The following GALNTL6 variants were observed in gnomAD, a reference collection of about 807,000 sequenced individuals.
The protein encoded by GALNTL6 is polypeptide N-acetylgalactosaminyltransferase-like 6.
Under a neutral mutation model 73.7 loss-of-function variants are expected in GALNTL6, and 46 were observed. The ratio of observed to expected loss-of-function variants is 0.62; its 90% CI spans 0.49 to 0.80. The LOEUF is 0.80. Ranked by LOEUF, GALNTL6 falls within the 30% of genes least tolerant of loss-of-function variation. The pLI, the probability that GALNTL6 is intolerant of heterozygous loss-of-function variation, is 0.00. For missense variants in GALNTL6, 604 were observed against 755.0 expected (o/e 0.80, Z 2.34); for synonymous variants, 259 against 263.7 (o/e 0.98, Z 0.17).
chr4:172,929,887 A>G (rs2049260185), intron 8 of GALNTL6, among the ~76,000 whole-genome samples: 1 of 152,202 alleles, frequency 6.6e-6, no homozygotes, highest in African/African-American at 2.4e-5. Context: ...TTTATAATAG[A>G]AGATCTGTTA....
chr4:172,419,004 A>G (rs1280856717), intron 5 of GALNTL6, among the ~76,000 whole-genome samples: 5 of 152,142 alleles, frequency 3.3e-5, no homozygotes, highest in Non-Finnish European at 7.3e-5. Context: ...AAGTTTTACT[A>G]TGAAATCAAT....
intron 5 of GALNTL6, among the ~76,000 whole-genome samples, chr4:172,653,920 T>C (rs1213519761): frequency 1.3e-5 from 2 of 152,216 alleles, no homozygotes; most frequent in African/African-American, 2.4e-5. Context: ...CAGCATATAT[T>C]TTAATGTGCA....
At chr4:172,522,828 A>G (rs1441987977) in intron 5 of GALNTL6, among the ~76,000 whole-genome samples, 1 of 152,228 alleles carries the variant, frequency 6.6e-6, no homozygotes. Context: ...TCTAATACAT[A>G]CATAGAAAAG....
intron 11 of GALNTL6, among the ~76,000 whole-genome samples, chr4:173,019,189 G>A (rs17059089): frequency 0.18 from 26,652 of 152,198 alleles, 2,870 homozygotes; most frequent in African/African-American, 0.28. Context: ...AACCAAAATA[G>A]AGGGGCAGGA....
chr4:172,586,600 C>A (rs577087978), intron 5 of GALNTL6, among the ~76,000 whole-genome samples: 246 of 152,162 alleles, frequency 1.6e-3, no homozygotes, highest in Non-Finnish European at 2.7e-3. Flanking sequence ...AGGACTATAT[C>A]TGGATGCAGG....
intron 2 of GALNTL6, among the ~76,000 whole-genome samples, chr4:171,948,056 G>T (rs1738754600): frequency 6.6e-6 from 1 of 152,008 alleles, no homozygotes; most frequent in African/African-American, 2.4e-5. Context: ...ATAGTGAGAT[G>T]GGGGGAATAC....
At position 172,143,489 on chromosome 4, in the gene GALNTL6, T is replaced by TTTTG. The variant is rs1733852545; in HGVS notation, c.139-86164_139-86163insGTTT. Among the ~76,000 whole-genome samples, 3 of 152,040 alleles carry TTTTG rather than the reference T, an allele frequency of 2.0e-5. No homozygotes were observed. The South Asian group carries it at 6.2e-4, about 31-fold the overall frequency. ...TCTGTGTGTTTGGTAGGTTTGAGGA[T>TTTTG]TTTTGTTTTGTTTTGTTTTTTGTTT... On this transcript the variant is annotated intron_variant, in intron 2 of 12. Transcript: ENST00000506823.
chr4:171,972,824 G>T (rs1197825234), intron 2 of GALNTL6, among the ~76,000 whole-genome samples: 1 of 152,044 alleles, frequency 6.6e-6, no homozygotes, highest in Non-Finnish European at 1.5e-5. Context: ...TTTTTTCATA[G>T]AGAGATAATC....
chr4:173,025,174 T>C (rs1753181733), intron 12 of GALNTL6, among the ~76,000 whole-genome samples: 1 of 152,224 alleles, frequency 6.6e-6, no homozygotes, highest in Admixed American at 6.5e-5. Flanking sequence ...TCTATGATGC[T>C]GGGGCTATGT....
intron 7 of GALNTL6, among the ~76,000 whole-genome samples, chr4:172,817,666 G>T (rs1271201524): frequency 6.6e-6 from 1 of 152,182 alleles, no homozygotes; most frequent in Non-Finnish European, 1.5e-5. Flanking sequence ...ATGACAAAGA[G>T]AAAGATGTTC....
intron 5 of GALNTL6, among the ~76,000 whole-genome samples, chr4:172,571,604 C>G (rs1560814311): frequency 6.6e-6 from 1 of 152,088 alleles, no homozygotes; most frequent in African/African-American, 2.4e-5. Flanking sequence ...TATTTAAATC[C>G]CTTGGCCTTA....
At chr4:172,397,896 T>C (rs1223976736) in intron 5 of GALNTL6, among the ~76,000 whole-genome samples, 7 of 152,088 alleles carry the variant, frequency 4.6e-5, no homozygotes, top group Non-Finnish European at 1.0e-4. Context: ...TATTTTTATC[T>C]TTTCTAAATA....
At chr4:173,037,812 G>A (rs552181132) in intron 12 of GALNTL6, among the ~76,000 whole-genome samples, 1 of 151,382 alleles carries the variant, frequency 6.6e-6, no homozygotes, top group African/African-American at 2.4e-5. Context: ...GCCTGATCTC[G>A]GCTCACTGCA....
intron 2 of GALNTL6, among the ~76,000 whole-genome samples, chr4:171,824,268 G>T (rs1039731834): frequency 2.0e-5 from 3 of 151,778 alleles, no homozygotes; most frequent in Non-Finnish European, 1.5e-5. Flanking sequence ...TGCAACAAAA[G>T]AAATGGTATA....
rs1301626075 is a variant in GALNTL6, at chr4:172,257,232, C to T, written c.247+27468C>T. ...TGGCATCAAAGATTGCTACACTTTGCACTCATTGGCTATCTGAAAGAATAT... is the reference window on the plus strand; with the variant it reads ...TGGCATCAAAGATTGCTACACTTTGTACTCATTGGCTATCTGAAAGAATAT... On this transcript the variant is annotated intron_variant, in intron 3 of 12. Transcript: ENST00000506823. 3.3e-5 allele frequency among the ~76,000 whole-genome samples: 5 copies of T among 151,284 alleles called. No individual in the cohort carries two copies. In the East Asian group the frequency reaches 7.7e-4, roughly 23 times the overall value.
At chr4:171,886,931 A>C (rs1207810315) in intron 2 of GALNTL6, among the ~76,000 whole-genome samples, 2 of 152,226 alleles carry the variant, frequency 1.3e-5, no homozygotes, top group African/African-American at 4.8e-5. Context: ...CATAAAATTC[A>C]AGATAAAGAT....
chr4:173,021,669 TAA>T, intron 12 of GALNTL6, 44 bp downstream of exon 12: 1 of 1,594,560 alleles, frequency 6.3e-7, no homozygotes, highest in Non-Finnish European at 8.6e-7. Context: ...TACTGTGGTT[TAA>T]GTTATTCTTA....
intron 2 of GALNTL6, among the ~76,000 whole-genome samples, chr4:172,081,848 G>A (rs987090104): frequency 1.3e-5 from 2 of 149,298 alleles, no homozygotes; most frequent in Non-Finnish European, 3.0e-5. Flanking sequence ...GTCAAATAAT[G>A]TTTTCTTTTT....
chr4:172,813,855 C>T (rs1465893136), intron 7 of GALNTL6, 132 bp downstream of exon 7: 2 of 651,230 alleles, frequency 3.1e-6, no homozygotes, highest in African/African-American at 1.8e-5. Flanking sequence ...TGCAAAACAT[C>T]ACAGAAAGGT....
Sources: gnomAD v4.1 joint callset for allele counts (sites outside exome capture counted in the v4.1 genomes callset) on GRCh38, gnomAD v4.1.1 for gene constraint, MANE v1.5 for transcripts, NCBI Gene and HGNC (gene_info 2026-07-23, HGNC 2026-07-21) for gene names.